The following TUT4 variants were observed in gnomAD, a reference collection of about 807,000 sequenced individuals.
TUT4 encodes terminal uridylyltransferase 4.
A neutral mutation model predicts 192.2 loss-of-function variants in TUT4; 36 were observed. The observed-to-expected ratio is 0.19, with a 90% CI of 0.14 to 0.25. TUT4 has a LOEUF of 0.25. Ranked by LOEUF, TUT4 falls within the 10% of genes least tolerant of loss-of-function variation. The probability of loss-of-function intolerance (pLI) is 1.00; values close to 1 mark genes in which losing one functional copy is unlikely to be tolerated. For synonymous variants in TUT4, 618 were observed against 666.0 expected, an observed-to-expected ratio of 0.93 and a Z score of 1.11; for missense variants, 1,493 against 1,957.2, an observed-to-expected ratio of 0.76 and a Z score of 4.47.
intron 1 of TUT4, among the ~76,000 whole-genome samples, chr1:52,546,515 T>TGAGGGAAG (rs1688131467): frequency 6.6e-6 from 1 of 152,150 alleles, no homozygotes; most frequent in Admixed American, 6.6e-5. Context: ...ATAGTGGTTG[T>TGAGGGAAG]CAGGGGTGAG....
intron 15 of TUT4, among the ~76,000 whole-genome samples, chr1:52,465,513 C>T (rs1273452708): frequency 6.6e-6 from 1 of 152,206 alleles, no homozygotes; most frequent in Non-Finnish European, 1.5e-5. Context: ...ATCAGAAATA[C>T]AGGTGCAATC....
chr1:52,493,015 G>A (rs1671561695), intron 7 of TUT4, among the ~76,000 whole-genome samples: 1 of 152,188 alleles, frequency 6.6e-6, no homozygotes, highest in African/African-American at 2.4e-5. Context: ...CATAAGAAAT[G>A]CCCATAATAT....
chr1:52,461,198 G>T lies in TUT4; in HGVS notation c.3257C>A (p.Ala1086Asp). ...TCTAGGATCAATAGCTGCATAAGTA[G>T]CTAGCATTCTTGTGTTATGTTGAGC... ...TLAQHNTRML[A>D]TYAAIDPRVQ... The change falls in exon 19 of 30, where the codon GCT (alanine) becomes GAT (aspartate). Residue 1086 changes from alanine to aspartate, a missense_variant. Transcript: ENST00000257177. 1 of 1,607,394 alleles carries T rather than the reference G, an allele frequency of 6.2e-7. No homozygotes were observed.
At chr1:52,440,656 T>C (rs190112118) in intron 24 of TUT4, among the ~76,000 whole-genome samples, 1 of 152,294 alleles carries the variant, frequency 6.6e-6, no homozygotes, top group East Asian at 1.9e-4. Context: ...ATTCTATTGC[T>C]GAATATCTCT....
intron 19 of TUT4, among the ~76,000 whole-genome samples, chr1:52,460,146 T>C (rs556703744): frequency 6.6e-6 from 1 of 152,234 alleles, no homozygotes; most frequent in Non-Finnish European, 1.5e-5. Flanking sequence ...TGTGCCTCTA[T>C]GCTTTTCTAA....
chr1:52,436,981 G>C lies in TUT4; in HGVS notation c.3939-3C>G, dbSNP rs764718607. ...TCTTTAGTCTAAACAGTAAACTGCTGATACCAATAATGTGGGGCTAGGGAC... is the reference window on the plus strand; with the variant it reads ...TCTTTAGTCTAAACAGTAAACTGCTCATACCAATAATGTGGGGCTAGGGAC... On this transcript the variant is annotated splice_polypyrimidine_tract_variant and splice_region_variant and intron_variant, in intron 25 of 29. Coordinates refer to ENST00000257177, the MANE Select transcript of TUT4 (RefSeq NM_001009881.3). The C allele has an allele frequency of 5.6e-6, 9 of 1,612,792 alleles. No homozygotes were observed. In the African/African-American group the frequency reaches 1.2e-4, roughly 22 times the overall value.
chr1:52,443,821 G>A (rs1456414461), intron 24 of TUT4, among the ~76,000 whole-genome samples: 1 of 152,098 alleles, frequency 6.6e-6, no homozygotes, highest in Non-Finnish European at 1.5e-5. Context: ...GGTTCCTACT[G>A]AACATATGCA....
intron 9 of TUT4, among the ~76,000 whole-genome samples, chr1:52,485,544 C>T (rs1570823292): frequency 1.3e-5 from 2 of 152,102 alleles, no homozygotes; most frequent in African/African-American, 4.8e-5. Flanking sequence ...ACATATATGG[C>T]TTAAATGATG....
At chr1:52,497,373 G>C (rs548313423) in intron 4 of TUT4, among the ~76,000 whole-genome samples, 190 bp from the exon 5 acceptor site, 15 of 152,298 alleles carry the variant, frequency 9.8e-5, no homozygotes, top group African/African-American at 2.6e-4. Context: ...GAGAATGAGA[G>C]GTACTGTGTG....
At chr1:52,436,434 C>T (rs1288707676) in intron 26 of TUT4, among the ~76,000 whole-genome samples, 4 of 151,930 alleles carry the variant, frequency 2.6e-5, no homozygotes, top group South Asian at 2.1e-4. Context: ...TGCAGTGAGC[C>T]GAGATCGCGC....
chr1:52,453,663 GAAT>G (rs1660081011), intron 20 of TUT4, among the ~76,000 whole-genome samples: 1 of 152,098 alleles, frequency 6.6e-6, no homozygotes, highest in Non-Finnish European at 1.5e-5. Flanking sequence ...GTAAAATCAG[GAAT>G]AATACAAGGA....
At chr1:52,426,293 C>G (rs1024003079) in intron 28 of TUT4, among the ~76,000 whole-genome samples, 11 of 152,136 alleles carry the variant, frequency 7.2e-5, no homozygotes, top group Non-Finnish European at 1.6e-4. Context: ...GTAGCTTGCA[C>G]AAGAGCTAGC....
At chr1:52,543,765 T>C (rs909836784) in intron 1 of TUT4, among the ~76,000 whole-genome samples, 46 of 151,984 alleles carry the variant, frequency 3.0e-4, no homozygotes, top group African/African-American at 1.1e-3. Context: ...ATTACAGGCA[T>C]GAGCCACTGT....
At chr1:52,536,744 CTT>C (rs1685005186) in intron 1 of TUT4, among the ~76,000 whole-genome samples, 1 of 152,152 alleles carries the variant, frequency 6.6e-6, no homozygotes, top group Non-Finnish European at 1.5e-5. Context: ...ATCCCAGCTA[CTT>C]GGGAGGCTGA....
intron 2 of TUT4, among the ~76,000 whole-genome samples, 199 bp downstream of exon 2, chr1:52,525,364 G>A (rs963929124): frequency 2.6e-4 from 34 of 131,298 alleles, no homozygotes; most frequent in Non-Finnish European, 3.7e-4. Flanking sequence ...AAATGAAAAG[G>A]CTTTTTTTTT....
intron 24 of TUT4, among the ~76,000 whole-genome samples, chr1:52,441,740 A>T (rs1005914887): frequency 6.6e-6 from 1 of 152,174 alleles, no homozygotes; most frequent in African/African-American, 2.4e-5. Flanking sequence ...ATATACTTAA[A>T]ATTGTCTAGC....
intron 29 of TUT4, chr1:52,425,079 C>G (rs1218828270): frequency 3.4e-6 from 1 of 293,128 alleles, no homozygotes; most frequent in Non-Finnish European, 6.3e-6. Flanking sequence ...CTTAAATCCA[C>G]ATCCTGTTTG....
chr1:52,426,560 CA>C (rs11434111), intron 28 of TUT4, among the ~76,000 whole-genome samples: 1 of 151,420 alleles, frequency 6.6e-6, no homozygotes, highest in African/African-American at 2.4e-5. Flanking sequence ...GAGTAGGCAG[CA>C]AAAAAAACTA....
intron 4 of TUT4, among the ~76,000 whole-genome samples, chr1:52,501,490 A>G (rs1230274730): frequency 1.3e-5 from 2 of 152,174 alleles, no homozygotes; most frequent in Non-Finnish European, 2.9e-5. Flanking sequence ...GAGAATTTGG[A>G]ACCCTTGTGC....
Sources: allele counts gnomAD v4.1 joint callset (sites outside exome capture counted in the v4.1 genomes callset), GRCh38; gene constraint gnomAD v4.1.1; transcripts MANE v1.5; gene names NCBI Gene and HGNC (gene_info 2026-07-23, HGNC 2026-07-21).